Variants in MIAT observed in about 807,000 individuals in gnomAD.
MIAT encodes myocardial infarction associated transcript.
downstream of MIAT, chr22:26,674,198 C>T: frequency 2.5e-6 from 1 of 398,618 alleles, no homozygotes; most frequent in Admixed American, 4.4e-5. Flanking sequence ...ATCTGAGCTT[C>T]CTGTTCTAAC....
chr22:26,667,427 TGC>T (rs10615679), intron 5 of MIAT: 168,875 of 394,572 alleles, frequency 0.43, 37,592 homozygotes, highest in South Asian at 0.49. Flanking sequence ...TGTGTGTGTA[TGC>T]GCGCGTGTGT....
At chr22:26,674,276 G>C (rs1602376949), downstream of MIAT, 1 of 398,654 alleles carries the variant, frequency 2.5e-6, no homozygotes, top group East Asian at 3.6e-5. Context: ...AGTTTTTCTG[G>C]AAGGGACTTT....
chr22:26,663,311 G>A (rs1005447871), intron 2 of MIAT: 2 of 398,600 alleles, frequency 5.0e-6, no homozygotes, highest in Admixed American at 8.8e-5. Context: ...TTCTCTTGAT[G>A]ACAGTTGGAG....
chr22:26,674,752 C>T (rs997055185), exon 5 of MIAT: 4 of 398,562 alleles, frequency 1.0e-5, no homozygotes, highest in African/African-American at 2.1e-5. Flanking sequence ...TAGTGGCTGC[C>T]TTGCTCCATT....
At chr22:26,656,252 C>G (rs1348679918) in intron 2 of MIAT, 1 of 152,078 alleles carries the variant, frequency 6.6e-6, no homozygotes, top group Non-Finnish European at 1.5e-5. Flanking sequence ...TTCAGGTGAT[C>G]TGTCTGCCTC....
chr22:26,667,312 T>G (rs1602367799), intron 5 of MIAT: 1 of 391,860 alleles, frequency 2.6e-6, no homozygotes. Context: ...GGCAAGGGGG[T>G]GAGCTCCTCG....
downstream of MIAT, chr22:26,671,645 C>T (rs564338716): frequency 5.0e-6 from 2 of 398,660 alleles, no homozygotes; most frequent in South Asian, 1.3e-4. Flanking sequence ...TGCAGACCCA[C>T]GTTCCAGGAC....
chr22:26,666,965 A>G (rs61648805), intron 4 of MIAT: 14,603 of 176,528 alleles, frequency 0.083, 476 homozygotes, highest in Admixed American at 0.19. Flanking sequence ...GTGGGGAGGG[A>G]GGGAGGGAGG....
downstream of MIAT, chr22:26,674,012 C>T (rs995231256): frequency 2.5e-6 from 1 of 398,510 alleles, no homozygotes; most frequent in African/African-American, 2.1e-5. Context: ...AAATACCTGT[C>T]TGGTGTCTAC....
chr22:26,673,046 A>G (rs1461420959), downstream of MIAT: 1 of 398,486 alleles, frequency 2.5e-6, no homozygotes, highest in African/African-American at 2.1e-5. Flanking sequence ...CCATTCCCGG[A>G]AGCTAGAGGG....
chr22:26,663,958 CT>C (rs33976934), intron 3 of MIAT, among the ~76,000 whole-genome samples: 16 of 132,072 alleles, frequency 1.2e-4, no homozygotes, highest in East Asian at 2.2e-4. Context: ...AGATTGGATT[CT>C]TTTTTTTTTT....
downstream of MIAT, chr22:26,673,790 T>C: frequency 5.0e-6 from 2 of 398,658 alleles, no homozygotes; most frequent in Non-Finnish European, 8.8e-6. Flanking sequence ...GGTAGTTTTC[T>C]AAAGGAGGTG....
At chr22:26,664,983 T>G (rs1292931811) in intron 3 of MIAT, among the ~76,000 whole-genome samples, 1 of 152,172 alleles carries the variant, frequency 6.6e-6, no homozygotes, top group African/African-American at 2.4e-5. Context: ...ATGCCTGTAA[T>G]CCCAGCACTT....
downstream of MIAT, chr22:26,674,402 T>TGCAAA (rs1931182464): frequency 5.0e-6 from 2 of 398,870 alleles, no homozygotes; most frequent in East Asian, 7.1e-5. Flanking sequence ...TGACTCAGTC[T>TGCAAA]GGTAGTCAGA....
At chr22:26,669,764 C>A (rs1203107582), downstream of MIAT, 2 of 398,774 alleles carry the variant, frequency 5.0e-6, no homozygotes, top group African/African-American at 4.1e-5. Context: ...GTGGCAGGTA[C>A]CATGCTGGGG....
chr22:26,674,003 A>C, downstream of MIAT: 1 of 398,640 alleles, frequency 2.5e-6, no homozygotes, highest in Non-Finnish European at 4.4e-6. Context: ...TAAACCTTAA[A>C]ATACCTGTCT....
downstream of MIAT, chr22:26,670,534 T>G (rs1684242538): frequency 2.6e-6 from 1 of 390,160 alleles, no homozygotes; most frequent in African/African-American, 2.2e-5. Flanking sequence ...GAGAAAGATC[T>G]GGCTGAGATG....
At chr22:26,670,597 C>T (rs1260902496), downstream of MIAT, 2 of 314,696 alleles carry the variant, frequency 6.4e-6, no homozygotes, top group African/African-American at 7.6e-5. Flanking sequence ...AATGTCATTG[C>T]TCCTTAAAAA....
intron 2 of MIAT, among the ~76,000 whole-genome samples, chr22:26,653,400 G>T (rs139894933): frequency 6.6e-6 from 1 of 152,122 alleles, no homozygotes; most frequent in African/African-American, 2.4e-5. Flanking sequence ...CACCCCTTTT[G>T]CTCCCCTCCG....
Sources: gnomAD v4.1 joint callset for allele counts (sites outside exome capture counted in the v4.1 genomes callset) on GRCh38, gnomAD v4.1.1 for gene constraint, MANE v1.5 for transcripts, NCBI Gene and HGNC (gene_info 2026-07-23, HGNC 2026-07-21) for gene names.